ADARB2: variants seen among roughly 807,000 people sequenced by gnomAD.
ADARB2 encodes inactive double-stranded RNA-specific editase B2.
In ADARB2, 25 loss-of-function variants were observed where a neutral mutation model predicts 62.2. The observed-to-expected ratio is 0.40, with a 90% CI of 0.29 to 0.56. The LOEUF (loss-of-function observed/expected upper bound fraction) is 0.56, where lower values mean the gene tolerates loss of function less well. Ranked by LOEUF, ADARB2 falls within the 20% of genes least tolerant of loss-of-function variation. The pLI is 0.43. For synonymous variants in ADARB2, 572 were observed against 500.8 expected, an observed-to-expected ratio of 1.14 and a Z score of -1.90; for missense variants, 1,071 against 1,077.4, an observed-to-expected ratio of 0.99 and a Z score of 0.08.
chr10:1,264,153 A>C (rs974459748), intron 4 of ADARB2, among the ~76,000 whole-genome samples: 1 of 152,200 alleles, frequency 6.6e-6, no homozygotes, highest in African/African-American at 2.4e-5. Context: ...GTAATCATTA[A>C]GATCAATTCC....
Position 1,286,637 on chromosome 10 carries a change from G to A in ADARB2, c.1078-15568C>T, listed in dbSNP as rs182158601. Reference sequence around the variant, plus strand: ...TGAGTTCTGCCACCACCTTCCCCCAGCTGCATGACCACTACGGGGCAATTG... The same window carrying A: ...TGAGTTCTGCCACCACCTTCCCCCAACTGCATGACCACTACGGGGCAATTG... On this transcript the variant is annotated intron_variant, in intron 3 of 9. Transcript: ENST00000381312. Among the ~76,000 whole-genome samples, 37 of 152,290 alleles carry A rather than the reference G, an allele frequency of 2.4e-4. 1 individual carries two copies. The highest frequency in any genetic ancestry group is 2.5e-4 in the Non-Finnish European group (17 of 68,030).
At chr10:1,349,257 C>A (rs1832111302) in intron 3 of ADARB2, among the ~76,000 whole-genome samples, 1 of 152,144 alleles carries the variant, frequency 6.6e-6, no homozygotes, top group Non-Finnish European at 1.5e-5. Flanking sequence ...AGAGAACAAC[C>A]CCCCTTCTTC....
intron 1 of ADARB2, among the ~76,000 whole-genome samples, chr10:1,565,689 C>T (rs1260614067): frequency 1.3e-5 from 2 of 152,150 alleles, no homozygotes; most frequent in Non-Finnish European, 2.9e-5. Context: ...GCTTTTTCCT[C>T]CTGTTTTCCA....
intron 1 of ADARB2, among the ~76,000 whole-genome samples, chr10:1,689,544 C>T (rs1304969382): frequency 6.6e-6 from 1 of 152,168 alleles, no homozygotes; most frequent in Non-Finnish European, 1.5e-5. Flanking sequence ...AATAAACAGA[C>T]ATCACCACAA....
At chr10:1,451,618 C>A (rs1307983828) in intron 1 of ADARB2, among the ~76,000 whole-genome samples, 2 of 151,376 alleles carry the variant, frequency 1.3e-5, no homozygotes, top group East Asian at 3.9e-4. Context: ...GGAGGGGACA[C>A]ACCTTCCTGA....
At chr10:1,327,304 C>T (rs1358017336) in intron 3 of ADARB2, among the ~76,000 whole-genome samples, 7 of 57,804 alleles carry the variant, frequency 1.2e-4, no homozygotes, top group South Asian at 6.7e-4. Flanking sequence ...CGCCTCCCCA[C>T]GGCACAGCAC....
chr10:1,551,408 G>A (rs1254130318), intron 1 of ADARB2, among the ~76,000 whole-genome samples: 2 of 152,174 alleles, frequency 1.3e-5, no homozygotes, highest in Admixed American at 1.3e-4. Context: ...TGCCACAGTG[G>A]TAAAGTCCTT....
At chr10:1,483,000 T>C (rs1831492143) in intron 1 of ADARB2, among the ~76,000 whole-genome samples, 1 of 152,188 alleles carries the variant, frequency 6.6e-6, no homozygotes, top group Non-Finnish European at 1.5e-5. Context: ...TGAAATTATG[T>C]TTTTATTTTT....
At chr10:1,510,140 C>CTTTT in intron 1 of ADARB2, among the ~76,000 whole-genome samples, 1 of 124,346 alleles carries the variant, frequency 8.0e-6, no homozygotes, top group Admixed American at 8.5e-5. Context: ...TTCTTTCTTT[C>CTTTT]TTTCTTTCTT....
intron 7 of ADARB2, among the ~76,000 whole-genome samples, chr10:1,206,283 G>A (rs980002523): frequency 6.6e-6 from 1 of 152,136 alleles, no homozygotes; most frequent in African/African-American, 2.4e-5. Context: ...CCGGCTACCT[G>A]CGCGGGGGCC....
At chr10:1,492,243 T>TTATG (rs1831631242) in intron 1 of ADARB2, among the ~76,000 whole-genome samples, 1 of 152,070 alleles carries the variant, frequency 6.6e-6, no homozygotes, top group African/African-American at 2.4e-5. Context: ...ATAGGGATTG[T>TTATG]TATGTGTTCA....
At chr10:1,504,025 G>C (rs1317711887) in intron 1 of ADARB2, among the ~76,000 whole-genome samples, 1 of 152,176 alleles carries the variant, frequency 6.6e-6, no homozygotes, top group Non-Finnish European at 1.5e-5. Flanking sequence ...ACAGGCCAGA[G>C]AGTAGGAGTT....
intron 1 of ADARB2, among the ~76,000 whole-genome samples, chr10:1,711,202 C>T (rs1834945471): frequency 6.6e-6 from 1 of 152,184 alleles, no homozygotes; most frequent in African/African-American, 2.4e-5. Context: ...TCCTGTTTGG[C>T]CAGTGGGGAG....
chr10:1,539,667 T>C (rs1832384850), intron 1 of ADARB2, among the ~76,000 whole-genome samples: 1 of 152,258 alleles, frequency 6.6e-6, no homozygotes, highest in Admixed American at 6.5e-5. Context: ...GGCATGCTCC[T>C]GTTTGACAAT....
intron 1 of ADARB2, among the ~76,000 whole-genome samples, chr10:1,394,198 C>T (rs944139447): frequency 2.0e-5 from 3 of 152,218 alleles, no homozygotes; most frequent in African/African-American, 7.2e-5. Context: ...GGCCAAATTC[C>T]TCACGTCCTA....
At chr10:1,372,275 A>G (rs544893626) in intron 2 of ADARB2, among the ~76,000 whole-genome samples, 20 of 151,770 alleles carry the variant, frequency 1.3e-4, no homozygotes, top group African/African-American at 4.8e-4. Flanking sequence ...ACACATGGAC[A>G]TAAAGAAGAA....
intron 3 of ADARB2, among the ~76,000 whole-genome samples, chr10:1,338,444 C>A (rs867118512): frequency 6.6e-6 from 1 of 152,188 alleles, no homozygotes; most frequent in South Asian, 2.1e-4. Context: ...ATATAAAATT[C>A]TCAGTTTTAA....
At chr10:1,219,942 G>GA (rs1830669808) in intron 6 of ADARB2, among the ~76,000 whole-genome samples, 1 of 138,440 alleles carries the variant, frequency 7.2e-6, no homozygotes, top group African/African-American at 2.7e-5. Context: ...GATGATGGTG[G>GA]TGATAATGGT....
rs865882753 is a variant in ADARB2 at position 1,464,483 on chromosome 10, G to A, written c.101-85323C>T. 7.8e-3 allele frequency among the ~76,000 whole-genome samples: 607 copies of A among 78,166 alleles called. 9 individuals are homozygous for A. Among genetic ancestry groups the A allele is most frequent in the Middle Eastern group, 0.014 (1 of 74 alleles). The allele number at this position is 78,166 out of a possible 152,430, so 51.3% of individuals were successfully genotyped here. On this transcript the variant is annotated intron_variant, in intron 1 of 9. Transcript: ENST00000381312. ...TGGACACACACTCCCCCACACACGT[G>A]CTGGGGGCAGTCACAGCAGGCAGCG... is the stretch of plus-strand genomic sequence containing the variant.
Sources: gnomAD v4.1 joint callset for allele counts (sites outside exome capture counted in the v4.1 genomes callset) on GRCh38, gnomAD v4.1.1 for gene constraint, MANE v1.5 for transcripts, NCBI Gene and HGNC (gene_info 2026-07-23, HGNC 2026-07-21) for gene names.